RNPEP: variants seen among roughly 807,000 people sequenced by gnomAD.
RNPEP encodes aminopeptidase B.
RNPEP carries 57 observed loss-of-function variants against 70.1 expected under a neutral mutation model. The ratio of observed to expected loss-of-function variants is 0.81; its 90% CI spans 0.66 to 1.01. The LOEUF (loss-of-function observed/expected upper bound fraction) is 1.01, where lower values mean the gene tolerates loss of function less well. Ranked by LOEUF, RNPEP falls within the 50% of genes least tolerant of loss-of-function variation. The pLI is 0.00. For synonymous variants in RNPEP, 335 were observed against 357.4 expected (o/e 0.94, Z 0.71); for missense variants, 787 against 852.4 (o/e 0.92, Z 0.96).
chr1:201,999,093 T>C (rs1415832242), intron 5 of RNPEP, among the ~76,000 whole-genome samples: 1 of 152,012 alleles, frequency 6.6e-6, no homozygotes, highest in Non-Finnish European at 1.5e-5. Flanking sequence ...GGTGTGTGCC[T>C]GTAGTCCCAG....
At chr1:201,988,536 A>T (rs1235961834) in intron 1 of RNPEP, among the ~76,000 whole-genome samples, 1 of 152,064 alleles carries the variant, frequency 6.6e-6, no homozygotes, top group African/African-American at 2.4e-5. Context: ...TCTTATCACA[A>T]GTCCAAATGC....
At chr1:201,986,536 C>CTT (rs374147270) in intron 1 of RNPEP, among the ~76,000 whole-genome samples, 1 of 80,596 alleles carries the variant, frequency 1.2e-5, no homozygotes, top group Non-Finnish European at 2.5e-5. Flanking sequence ...CATTTTCTTT[C>CTT]TTTTTTTTTT....
intron 6 of RNPEP, 57 bp downstream of exon 6, chr1:202,000,072 A>G (rs1415940560): frequency 2.4e-6 from 3 of 1,267,108 alleles, no homozygotes; most frequent in African/African-American, 1.5e-5. Flanking sequence ...TGGAGCCCCA[A>G]GTTAATGCGA....
intron 1 of RNPEP, among the ~76,000 whole-genome samples, chr1:201,984,798 A>C (rs950415388): frequency 7.6e-6 from 1 of 132,200 alleles, no homozygotes; most frequent in Non-Finnish European, 1.6e-5. Flanking sequence ...GTTAGCTCTT[A>C]CTGCTAACTT....
In RNPEP at chr1:202,004,407, G is replaced by A. The variant is rs750453959; in HGVS notation, c.1705G>A (p.Ala569Thr). 7 of 1,614,196 alleles carry A rather than the reference G, an allele frequency of 4.3e-6. No individual in the cohort carries two copies. The Middle Eastern group carries it at 6.6e-4, about 152-fold the overall frequency. Reference sequence around the variant, plus strand: ...CCCAAGTATCTCAAATGCCCGGAATGCAGAGCTCCGGCTGCGATGGGGCCA... The same window carrying A: ...CCCAAGTATCTCAAATGCCCGGAATACAGAGCTCCGGCTGCGATGGGGCCA... ...TYPSISNARN[A>T]ELRLRWGQIV... The change falls in exon 10 of 11, where the codon GCA (alanine) becomes ACA (threonine). Residue 569 changes from alanine (A) to threonine (T), a missense_variant. Physicochemically the swap from Ala to Thr is moderately conservative, Grantham distance 58 (BLOSUM62 0). Transcript: ENST00000295640.
At chr1:201,987,576 T>G (rs1683178066) in intron 1 of RNPEP, among the ~76,000 whole-genome samples, 2 of 151,764 alleles carry the variant, frequency 1.3e-5, no homozygotes, top group Admixed American at 1.3e-4. Flanking sequence ...TAGCTAGAAT[T>G]ACAGGTGCAT....
At position 202,004,406 on chromosome 1, in the gene RNPEP, TGCAGAGC is replaced by T. The variant is rs763575096; in HGVS notation, c.1705_1711del (p.Ala569SerfsTer21). ...ACCCAAGTATCTCAAATGCCCGGAA[TGCAGAGC>T]TCCGGCTGCGATGGGGCCAAATCGT... On this transcript the variant is annotated frameshift_variant, in exon 10 of 11. Coordinates refer to ENST00000295640, the MANE Select transcript of RNPEP (RefSeq NM_020216.4). LOFTEE classifies it high-confidence loss of function. The T allele has an allele frequency of 2.5e-6, 4 of 1,614,092 alleles. No individual in the cohort carries two copies. The African/African-American group carries it at 5.3e-5, about 22-fold the overall frequency.
At chr1:202,000,976 C>A in intron 6 of RNPEP, 1 of 183,206 alleles carries the variant, frequency 5.5e-6, no homozygotes, top group Non-Finnish European at 1.1e-5. Context: ...AAAGACACAG[C>A]TTGGTGCTCA....
At chr1:202,005,039 C>T (rs887374659) in intron 10 of RNPEP, among the ~76,000 whole-genome samples, 1 of 152,104 alleles carries the variant, frequency 6.6e-6, no homozygotes, top group Non-Finnish European at 1.5e-5. Flanking sequence ...GTCAGGGCTG[C>T]CTGCCTGTTC....
intron 10 of RNPEP, 116 bp downstream of exon 10, chr1:202,004,612 G>A: frequency 3.1e-6 from 4 of 1,273,448 alleles, no homozygotes; most frequent in Non-Finnish European, 4.4e-6. Flanking sequence ...AGAGGGAGGG[G>A]CAAATGACCT....
chr1:201,983,882 C>T, intron 1 of RNPEP: 4 of 994,490 alleles, frequency 4.0e-6, no homozygotes, highest in Non-Finnish European at 4.8e-6. Flanking sequence ...AGTTATCTCT[C>T]AGGTAGAGTT....
chr1:201,991,364 C>T (rs868479509), intron 3 of RNPEP, among the ~76,000 whole-genome samples: 3 of 152,148 alleles, frequency 2.0e-5, no homozygotes, highest in African/African-American at 4.8e-5. Context: ...CCATCCACCT[C>T]GGCCTCCCAA....
In RNPEP at chr1:201,989,076, T is replaced by A. The variant is rs557007791; in HGVS notation, c.588+32T>A. 7.5e-6 allele frequency: 12 copies of A among 1,597,042 alleles called. No homozygotes were observed. The South Asian group carries it at 1.2e-4, about 16-fold the overall frequency. On this transcript the variant is annotated intron_variant, in intron 2 of 10. Transcript: ENST00000295640. ...AGACTAAGGTTAGGTGCACCTGCCC[T>A]TGGGATGAAGAAATGATTTCAGATC...
chr1:201,982,676 G>A lies in RNPEP; in HGVS notation c.10G>A (p.Gly4Ser). 2 of 1,378,662 alleles carry A rather than the reference G, an allele frequency of 1.5e-6. No homozygotes were observed. The highest frequency in any genetic ancestry group is 1.9e-6 in the Non-Finnish European group (2 of 1,060,992). The allele number at this position is 1,378,662 out of a possible 1,614,324, so 85.4% of individuals were successfully genotyped here. Residue 4 changes from glycine to serine, a missense_variant, in exon 1 of 11, where the codon GGC (glycine) becomes AGC (serine). Transcript: ENST00000295640. ...CAACGGCTCTGCGGCCATGGCGAGC[G>A]GCGAGCATTCCCCCGGCAGCGGCGC... is the stretch of plus-strand genomic sequence containing the variant. Reference protein sequence around the residue: MASGEHSPGSGAAR... With the variant: MASSEHSPGSGAAR...
chr1:201,992,398 A>T (rs1484392240), intron 3 of RNPEP, among the ~76,000 whole-genome samples: 1 of 152,028 alleles, frequency 6.6e-6, no homozygotes, highest in African/African-American at 2.4e-5. Context: ...ATTCACACCC[A>T]TGCTCTGGAG....
chr1:202,005,935 G>T lies in RNPEP; in HGVS notation c.*219G>T. 1.8e-6 allele frequency: 1 copy of T among 563,316 alleles called. No homozygotes were observed. Among genetic ancestry groups the T allele is most frequent in the South Asian group, 2.4e-5 (1 of 42,530 alleles). The allele number at this position is 563,316 out of a possible 1,614,324, so 34.9% of individuals were successfully genotyped here. A position where few individuals can be genotyped will look rare whatever the true frequency, so the allele number is the denominator to read the frequency against. On this transcript the variant is annotated 3_prime_UTR_variant, in exon 11 of 11. Coordinates refer to ENST00000295640, the MANE Select transcript of RNPEP (RefSeq NM_020216.4). ...CCCCGAGACAGAGAACCTGCCCACA[G>T]CTCTCCCCGCTACAGGCTGCAGGCA...
intron 5 of RNPEP, 66 bp downstream of exon 5, chr1:201,997,620 C>G: frequency 7.9e-7 from 1 of 1,258,952 alleles, no homozygotes; most frequent in Non-Finnish European, 1.1e-6. Context: ...CCAGTGTGAT[C>G]TCCTTATGGG....
chr1:202,005,410 C>A, intron 10 of RNPEP, 148 bp from the exon 11 acceptor site: 1 of 844,106 alleles, frequency 1.2e-6, no homozygotes, highest in Non-Finnish European at 1.9e-6. Context: ...TAGAGCACTT[C>A]TGATGAGAAG....
chr1:201,983,113 G>C lies in RNPEP; in HGVS notation c.447G>C (p.Gly149=), dbSNP rs200361972. The C allele has an allele frequency of 3.3e-4, 492 of 1,476,260 alleles. 1 individual carries two copies. The African/African-American group carries it at 6.2e-3, about 19-fold the overall frequency. The allele number at this position is 1,476,260 out of a possible 1,614,324, so 91.4% of individuals were successfully genotyped here. ...CCTACCGCGTCGGGGAGGGACCCGG[G>C]GTGAGTGCGCCCCAGACTGCGCCCG... ...LLTYRVGEGP[G]VCWLAPEQTA... is the part of the protein sequence containing the mutation. Residue 149 remains glycine (G), a splice_region_variant and synonymous_variant, in exon 1 of 11, where the codon GGG becomes GGC. Transcript: ENST00000295640.
Sources: allele counts gnomAD v4.1 joint callset (sites outside exome capture counted in the v4.1 genomes callset), GRCh38; gene constraint gnomAD v4.1.1; transcripts MANE v1.5; gene names NCBI Gene and HGNC (gene_info 2026-07-23, HGNC 2026-07-21).